CAMK4: variants seen among roughly 807,000 people sequenced by gnomAD.
CAMK4 encodes calcium/calmodulin dependent protein kinase IV, also known as calcium/calmodulin-dependent protein kinase type IV.
A neutral mutation model predicts 44.9 loss-of-function variants in CAMK4; 22 were observed. The observed-to-expected ratio is 0.49, with a 90% CI of 0.35 to 0.70. CAMK4 has a LOEUF of 0.70. Ranked by LOEUF, CAMK4 falls within the 30% of genes least tolerant of loss-of-function variation. The pLI, the probability that CAMK4 is intolerant of heterozygous loss-of-function variation, is 0.01. For missense variants in CAMK4, 498 were observed against 586.8 expected, an observed-to-expected ratio of 0.85 and a Z score of 1.56; for synonymous variants, 218 against 215.4, an observed-to-expected ratio of 1.01 and a Z score of -0.11.
Position 111,408,710 on chromosome 5 carries a change from C to T in CAMK4, c.459+13928C>T, listed in dbSNP as rs373862228. Among the ~76,000 whole-genome samples the T allele has an allele frequency of 2.6e-5, 4 of 152,154 alleles. No individual in the cohort carries two copies. The South Asian group carries it at 6.2e-4, about 24-fold the overall frequency. On this transcript the variant is annotated intron_variant, in intron 5 of 10. Transcript: ENST00000282356. ...GCTGAGACAAAGCAAGTCCCTTCTGCCTATGAGGCTATAAAATCAAAAGCA... is the reference window on the plus strand; with the variant it reads ...GCTGAGACAAAGCAAGTCCCTTCTGTCTATGAGGCTATAAAATCAAAAGCA...
intron 1 of CAMK4, among the ~76,000 whole-genome samples, chr5:111,333,373 C>T (rs939214143): frequency 6.6e-6 from 1 of 150,890 alleles, no homozygotes; most frequent in South Asian, 2.1e-4. Context: ...TTAGTTGATA[C>T]TAATAGCTAA....
chr5:111,338,506 C>T (rs752285195), intron 1 of CAMK4, among the ~76,000 whole-genome samples: 3 of 151,198 alleles, frequency 2.0e-5, no homozygotes, highest in Admixed American at 6.6e-5. Context: ...TTTGTTGCAA[C>T]TTCTTTTGAG....
chr5:111,332,012 G>C (rs986610145), intron 1 of CAMK4, among the ~76,000 whole-genome samples: 6 of 151,604 alleles, frequency 4.0e-5, no homozygotes, highest in Non-Finnish European at 7.4e-5. Flanking sequence ...AAAATGAACA[G>C]TGATTTCTGC....
chr5:111,492,697 A>G lies in CAMK4; in HGVS notation c.*8231A>G, dbSNP rs1277777717. The G allele has an allele frequency of 2.0e-5, 3 of 152,214 alleles. No individual in the cohort carries two copies. 9.4% of individuals were successfully genotyped at this position (152,214 alleles called of 1,614,324 possible). ...CCAGGAGCAGCCCCCTCCAGGAACA[A>G]TTTTCCCTGTGAACTTTCACTGAGA... is the stretch of plus-strand genomic sequence containing the variant. On this transcript the variant is annotated 3_prime_UTR_variant, in exon 11 of 11. Transcript: ENST00000282356.
intron 5 of CAMK4, among the ~76,000 whole-genome samples, chr5:111,414,717 C>T (rs1443025470): frequency 6.6e-6 from 1 of 151,738 alleles, no homozygotes; most frequent in Non-Finnish European, 1.5e-5. Context: ...AATATTTAGC[C>T]TATATAACAG....
intron 5 of CAMK4, among the ~76,000 whole-genome samples, chr5:111,442,784 T>C (rs1561490813): frequency 6.7e-6 from 1 of 148,382 alleles, no homozygotes; most frequent in Non-Finnish European, 1.5e-5. Flanking sequence ...TTATATATCT[T>C]ATTAACATAA....
chr5:111,473,643 G>T (rs1281192586), intron 8 of CAMK4, among the ~76,000 whole-genome samples: 1 of 152,148 alleles, frequency 6.6e-6, no homozygotes, highest in Non-Finnish European at 1.5e-5. Context: ...CAGATTTAGG[G>T]AACAGTTTAT....
chr5:111,250,285 G>T (rs912156128), intron 1 of CAMK4, among the ~76,000 whole-genome samples: 1 of 152,198 alleles, frequency 6.6e-6, no homozygotes, highest in Non-Finnish European at 1.5e-5. Context: ...CCATCAGGCA[G>T]CTACAGAGAG....
At chr5:111,443,308 ACACACACT>A (rs1753906135) in intron 5 of CAMK4, among the ~76,000 whole-genome samples, 3 of 129,958 alleles carry the variant, frequency 2.3e-5, no homozygotes, top group African/African-American at 8.7e-5. Flanking sequence ...ACACACACAC[ACACACACT>A]ATATATATAT....
intron 4 of CAMK4, among the ~76,000 whole-genome samples, chr5:111,386,071 G>C (rs17465584): frequency 0.13 from 19,570 of 152,154 alleles, 1,569 homozygotes; most frequent in Non-Finnish European, 0.19. Context: ...GGTGCTAGTA[G>C]TATCTTTGAA....
intron 1 of CAMK4, among the ~76,000 whole-genome samples, chr5:111,279,763 A>G (rs1301205352): frequency 6.6e-6 from 1 of 152,052 alleles, no homozygotes; most frequent in Non-Finnish European, 1.5e-5. Flanking sequence ...GTGTATATTT[A>G]CCCATAGTTT....
chr5:111,382,352 TG>T (rs1210545519), intron 4 of CAMK4, among the ~76,000 whole-genome samples: 6 of 152,188 alleles, frequency 3.9e-5, no homozygotes, highest in African/African-American at 1.4e-4. Flanking sequence ...GTTTGAGAAA[TG>T]GAACTGAGGC....
At chr5:111,251,123 G>C (rs953407601) in intron 1 of CAMK4, among the ~76,000 whole-genome samples, 1 of 152,206 alleles carries the variant, frequency 6.6e-6, no homozygotes, top group Non-Finnish European at 1.5e-5. Flanking sequence ...TTGCGTAGCT[G>C]TATTTTGTGT....
chr5:111,451,124 ATCT>A (rs1259518563), intron 7 of CAMK4, among the ~76,000 whole-genome samples: 1 of 152,168 alleles, frequency 6.6e-6, no homozygotes, highest in Non-Finnish European at 1.5e-5. Context: ...TAACATTCTA[ATCT>A]TATTAAGTTC....
At chr5:111,353,383 G>A (rs565749504) in intron 2 of CAMK4, among the ~76,000 whole-genome samples, 2 of 151,736 alleles carry the variant, frequency 1.3e-5, no homozygotes, top group South Asian at 2.1e-4. Flanking sequence ...CTCACCAAGT[G>A]AAAACTACAT....
intron 1 of CAMK4, chr5:111,283,023 C>T (rs1751086843): frequency 6.6e-6 from 1 of 152,190 alleles, no homozygotes; most frequent in Non-Finnish European, 1.5e-5. Flanking sequence ...CAGGTTGTAC[C>T]ACTTGTCGCT....
Position 111,376,925 on chromosome 5 carries a change from A to C in CAMK4, c.369A>C (p.Gly123=). ...GTCTGGTCCTAGAACTCGTCACAGG[A>C]GGAGAACTGTTTGATAGGTGAGTTG... is the stretch of plus-strand genomic sequence containing the variant. ...EISLVLELVT[G]GELFDRIVEK... The change falls in exon 4 of 11, where the codon GGA becomes GGC. Residue 123 remains glycine, a synonymous_variant. Transcript: ENST00000282356. The C allele has an allele frequency of 6.2e-7, 1 of 1,603,772 alleles. No homozygotes were observed. Among genetic ancestry groups the C allele is most frequent in the Non-Finnish European group, 8.5e-7 (1 of 1,173,424 alleles).
At chr5:111,453,738 G>T (rs553813655) in intron 7 of CAMK4, among the ~76,000 whole-genome samples, 45 of 152,304 alleles carry the variant, frequency 3.0e-4, no homozygotes, top group African/African-American at 1.1e-3. Context: ...ACACCAGGGT[G>T]GTCAGGAGGC....
intron 7 of CAMK4, among the ~76,000 whole-genome samples, chr5:111,453,241 A>G (rs1403568712): frequency 6.6e-6 from 1 of 152,214 alleles, no homozygotes; most frequent in East Asian, 1.9e-4. Context: ...ACTTGGGAAA[A>G]ACAGAAGTCA....
Sources: allele counts gnomAD v4.1 joint callset (sites outside exome capture counted in the v4.1 genomes callset), GRCh38; gene constraint gnomAD v4.1.1; transcripts MANE v1.5; gene names NCBI Gene and HGNC (gene_info 2026-07-23, HGNC 2026-07-21).